Variants in SH3BGR observed in about 807,000 individuals in gnomAD.
The protein encoded by SH3BGR is SH3 domain-binding glutamic acid-rich protein.
SH3BGR carries 29 observed loss-of-function variants against 24.5 expected under a neutral mutation model. The ratio of observed to expected loss-of-function variants is 1.18; its 90% CI spans 0.88 to 1.61. SH3BGR has a LOEUF of 1.61. SH3BGR is among the 40% of genes most tolerant of loss of function. The pLI is 0.00. For missense variants in SH3BGR, 162 were observed against 205.8 expected, an observed-to-expected ratio of 0.79 and a Z score of 1.30; for synonymous variants, 55 against 65.7, an observed-to-expected ratio of 0.84 and a Z score of 0.79.
intron 1 of SH3BGR, among the ~76,000 whole-genome samples, chr21:39,456,485 G>C (rs1334818257): frequency 6.6e-6 from 1 of 152,216 alleles, no homozygotes. Context: ...CCTGTCATCA[G>C]GTCTGATGGG....
chr21:39,486,802 C>T (rs571778798), intron 3 of SH3BGR, among the ~76,000 whole-genome samples: 6 of 151,920 alleles, frequency 3.9e-5, no homozygotes, highest in South Asian at 2.1e-4. Context: ...CTGCAACTTC[C>T]GCCTCCCAAG....
intron 3 of SH3BGR, among the ~76,000 whole-genome samples, chr21:39,487,402 C>T (rs1295245491): frequency 6.6e-6 from 1 of 152,144 alleles, no homozygotes; most frequent in African/African-American, 2.4e-5. Flanking sequence ...CCCAGCCTCC[C>T]AAAGTGCTGG....
intron 1 of SH3BGR, among the ~76,000 whole-genome samples, chr21:39,459,427 G>A (rs978573141): frequency 8.5e-5 from 13 of 152,136 alleles, no homozygotes; most frequent in African/African-American, 3.1e-4. Context: ...GTTTCACCAT[G>A]TTGGCCAGGA....
chr21:39,456,592 G>A (rs2077658186), intron 1 of SH3BGR, among the ~76,000 whole-genome samples: 1 of 151,784 alleles, frequency 6.6e-6, no homozygotes, highest in Admixed American at 6.6e-5. Flanking sequence ...GTTTCCATGC[G>A]GGGTAGCAGA....
In SH3BGR at chr21:39,515,185, G is replaced by A. The variant is rs1201758389; in HGVS notation, c.*132G>A. ...AGCCGGCACACCCAGGGTTACTGAG[G>A]ACTTATGCTGCCTGACCTGGTTAGA... On this transcript the variant is annotated 3_prime_UTR_variant, in exon 7 of 7. Coordinates refer to ENST00000333634, the MANE Select transcript of SH3BGR (RefSeq NM_007341.3). 1 of 466,386 alleles carries A rather than the reference G, an allele frequency of 2.1e-6. No individual in the cohort carries two copies. Among genetic ancestry groups the A allele is most frequent in the Non-Finnish European group, 4.4e-6 (1 of 225,084 alleles). The allele number at this position is 466,386 out of a possible 1,614,324, so 28.9% of individuals were successfully genotyped here. A position where few individuals can be genotyped will look rare whatever the true frequency, so the allele number is the denominator to read the frequency against.
intron 4 of SH3BGR, among the ~76,000 whole-genome samples, chr21:39,502,806 C>T (rs596289): frequency 0.12 from 17,521 of 152,286 alleles, 1,101 homozygotes; most frequent in Middle Eastern, 0.16. Context: ...TGGCCTTTCA[C>T]AGTGGCTGGC....
chr21:39,463,916 T>C (rs778078000), intron 2 of SH3BGR, among the ~76,000 whole-genome samples: 38 of 152,230 alleles, frequency 2.5e-4, no homozygotes, highest in Non-Finnish European at 5.3e-4. Context: ...ATTTATTCTT[T>C]CACAGATCTG....
intron 4 of SH3BGR, among the ~76,000 whole-genome samples, chr21:39,501,489 G>A (rs1602162599): frequency 6.6e-6 from 1 of 152,114 alleles, no homozygotes; most frequent in Non-Finnish European, 1.5e-5. Context: ...TGTTATTTTT[G>A]TGTGGGCTAT....
At chr21:39,452,523 G>C (rs1005070388) in intron 1 of SH3BGR, among the ~76,000 whole-genome samples, 4 of 152,192 alleles carry the variant, frequency 2.6e-5, no homozygotes, top group Non-Finnish European at 5.9e-5. Context: ...GTGTAACACT[G>C]TTTGGAGCGG....
chr21:39,502,954 C>T (rs755361617), intron 4 of SH3BGR, among the ~76,000 whole-genome samples: 1 of 151,374 alleles, frequency 6.6e-6, no homozygotes, highest in African/African-American at 2.4e-5. Context: ...CCTCCCCAGT[C>T]TGGCCACCTC....
At chr21:39,455,336 C>T (rs560321507) in intron 1 of SH3BGR, among the ~76,000 whole-genome samples, 1 of 152,348 alleles carries the variant, frequency 6.6e-6, no homozygotes, top group East Asian at 1.9e-4. Context: ...ACCCCCAGAT[C>T]CTGTAGAGCC....
upstream of SH3BGR, among the ~76,000 whole-genome samples, chr21:39,448,337 CTTTA>C (rs144464112): frequency 4.4e-3 from 671 of 152,208 alleles, 8 homozygotes; most frequent in African/African-American, 0.015. Flanking sequence ...AAAGACGTGT[CTTTA>C]TTTGTCATTT....
rs777952714 is a variant in SH3BGR, at chr21:39,462,534, A to G, written c.205A>G (p.Ile69Val). The G allele has an allele frequency of 6.2e-7, 1 of 1,600,738 alleles. No homozygotes were observed. The highest frequency in any genetic ancestry group is 1.4e-5 in the African/African-American group (1 of 73,926). The change falls in exon 2 of 7, where the codon ATC becomes GTC. Residue 69 changes from isoleucine (I) to valine (V), a missense_variant. Transcript: ENST00000333634. Reference sequence around the variant, plus strand: ...AAATGGGATTCCTTTGCCTCCCCAGATCTTCAATGAGGAGCAGTACTGTGG... The same window carrying G: ...AAATGGGATTCCTTTGCCTCCCCAGGTCTTCAATGAGGAGCAGTACTGTGG... Reference protein sequence around the residue: ...PQNGIPLPPQIFNEEQYCGDF... With the variant: ...PQNGIPLPPQVFNEEQYCGDF...
chr21:39,464,206 C>T (rs2077802089), intron 2 of SH3BGR, among the ~76,000 whole-genome samples: 1 of 152,136 alleles, frequency 6.6e-6, no homozygotes, highest in Non-Finnish European at 1.5e-5. Flanking sequence ...CTACAAAGAT[C>T]CTATTTCCAA....
At chr21:39,484,494 C>T (rs539456342) in intron 3 of SH3BGR, among the ~76,000 whole-genome samples, 17 of 152,308 alleles carry the variant, frequency 1.1e-4, no homozygotes, top group Admixed American at 1.0e-3. Context: ...TCAGCCTCTG[C>T]TGTGTTTTAT....
chr21:39,447,536 C>T (rs2077518900), upstream of SH3BGR, among the ~76,000 whole-genome samples: 1 of 151,642 alleles, frequency 6.6e-6, no homozygotes, highest in Non-Finnish European at 1.5e-5. Context: ...CTGCATCAGC[C>T]TCCTGAGTAG....
chr21:39,448,733 G>A (rs747856230), upstream of SH3BGR, among the ~76,000 whole-genome samples: 3 of 152,108 alleles, frequency 2.0e-5, no homozygotes, highest in Non-Finnish European at 4.4e-5. Context: ...GAAGGATGAG[G>A]GGTTAGTTAC....
intron 4 of SH3BGR, among the ~76,000 whole-genome samples, chr21:39,503,519 A>G (rs1032175040): frequency 1.2e-4 from 19 of 152,220 alleles, no homozygotes; most frequent in African/African-American, 4.6e-4. Context: ...GGCAATGTTC[A>G]GTTGAGTGAT....
At chr21:39,468,375 A>G (rs1027101922) in intron 2 of SH3BGR, among the ~76,000 whole-genome samples, 1 of 152,236 alleles carries the variant, frequency 6.6e-6, no homozygotes, top group Non-Finnish European at 1.5e-5. Flanking sequence ...ACAGTATACT[A>G]TTACCAGAAA....
Sources: allele counts gnomAD v4.1 joint callset (sites outside exome capture counted in the v4.1 genomes callset), GRCh38; gene constraint gnomAD v4.1.1; transcripts MANE v1.5; gene names NCBI Gene and HGNC (gene_info 2026-07-23, HGNC 2026-07-21).